The following UBQLN4 variants were observed in gnomAD, a reference collection of about 807,000 sequenced individuals.
UBQLN4 encodes ubiquilin-4.
A neutral mutation model predicts 60.4 loss-of-function variants in UBQLN4; 11 were observed. The ratio of observed to expected loss-of-function variants is 0.18; its 90% CI spans 0.11 to 0.30. UBQLN4 has a LOEUF of 0.30. Ranked by LOEUF, UBQLN4 falls within the 10% of genes least tolerant of loss-of-function variation. UBQLN4 has a pLI of 1.00. For synonymous variants in UBQLN4, 258 were observed against 313.1 expected, an observed-to-expected ratio of 0.82 and a Z score of 1.86; for missense variants, 417 against 795.5, an observed-to-expected ratio of 0.52 and a Z score of 5.72.
chr1:156,039,609 T>TCAAC (rs1683494701), intron 10 of UBQLN4, among the ~76,000 whole-genome samples: 1 of 151,676 alleles, frequency 6.6e-6, no homozygotes, highest in African/African-American at 2.4e-5. Flanking sequence ...GCCCAAGGGG[T>TCAAC]ATTTGGAAAG....
downstream of UBQLN4, chr1:156,035,158 T>C (rs1464456990): frequency 4.0e-6 from 3 of 754,852 alleles, no homozygotes; most frequent in African/African-American, 5.7e-5. Flanking sequence ...AATGGCATGA[T>C]CTCAGCCACT....
intron 10 of UBQLN4, among the ~76,000 whole-genome samples, chr1:156,040,141 C>T (rs565909138): frequency 6.6e-6 from 1 of 151,934 alleles, no homozygotes; most frequent in East Asian, 2.0e-4. Context: ...CGCCTATAAT[C>T]CCAGCACTTT....
chr1:156,044,326 AG>A lies in UBQLN4; in HGVS notation c.901-104del, dbSNP rs1683644320. On this transcript the variant is annotated intron_variant, in intron 5 of 10. Transcript: ENST00000368309. ...TTAATAGCCTCCCCTTCCCCAGAAA[AG>A]GGAGAGAGATCTAAGACCTTAGAGG... The A allele has an allele frequency of 3.8e-6, 4 of 1,054,654 alleles. No individual in the cohort carries two copies. The South Asian group carries it at 5.8e-5, about 15-fold the overall frequency. 65.3% of individuals were successfully genotyped at this position (1,054,654 alleles called of 1,614,324 possible). A position where few individuals can be genotyped will look rare whatever the true frequency, so the allele number is the denominator to read the frequency against.
At chr1:156,038,377 CAA>C (rs932824724) in intron 10 of UBQLN4, among the ~76,000 whole-genome samples, 11 of 145,610 alleles carry the variant, frequency 7.6e-5, no homozygotes, top group Admixed American at 3.5e-4. Context: ...CTTAAAAAAA[CAA>C]AAGTGCGTGG....
At chr1:156,049,922 A>C (rs1683821483) in intron 4 of UBQLN4, among the ~76,000 whole-genome samples, 1 of 152,132 alleles carries the variant, frequency 6.6e-6, no homozygotes, top group African/African-American at 2.4e-5. Flanking sequence ...CTCAGCCCTG[A>C]ATGTTCTTCT....
At chr1:156,046,788 G>A (rs141214375) in intron 5 of UBQLN4, among the ~76,000 whole-genome samples, 1,690 of 152,178 alleles carry the variant, frequency 0.011, 28 homozygotes, top group African/African-American at 0.039. Context: ...GTTGCAGTGA[G>A]CTGAGATCGC....
intron 5 of UBQLN4, among the ~76,000 whole-genome samples, chr1:156,045,436 C>T (rs558819216): frequency 1.2e-4 from 19 of 152,308 alleles, no homozygotes; most frequent in African/African-American, 1.2e-4. Flanking sequence ...ACTCTAAGGA[C>T]GAAATCTCTT....
chr1:156,043,957 C>T (rs745990909), intron 6 of UBQLN4, 41 bp downstream of exon 6: 1 of 1,599,904 alleles, frequency 6.3e-7, no homozygotes, highest in Non-Finnish European at 8.6e-7. Context: ...AGAGGGGCTG[C>T]CCTGGTGACC....
intron 7 of UBQLN4, 108 bp downstream of exon 7, chr1:156,042,666 G>T: frequency 1.4e-6 from 2 of 1,478,790 alleles, no homozygotes; most frequent in Non-Finnish European, 1.8e-6. Flanking sequence ...CAGAGCTTGG[G>T]ATGCAAACCC....
At chr1:156,042,377 C>A in intron 7 of UBQLN4, 141 bp from the exon 8 acceptor site, 1 of 1,433,400 alleles carries the variant, frequency 7.0e-7, no homozygotes, top group Non-Finnish European at 9.1e-7. Flanking sequence ...ATCCTGAAGG[C>A]CTAAGTGGGA....
intron 5 of UBQLN4, among the ~76,000 whole-genome samples, 180 bp from the exon 6 acceptor site, chr1:156,044,403 T>C (rs1167081182): frequency 1.3e-5 from 2 of 152,114 alleles, no homozygotes; most frequent in South Asian, 2.1e-4. Context: ...CCTTGCTCCA[T>C]AGGGTGGGAG....
At position 156,036,459 on chromosome 1, in the gene UBQLN4, C is replaced by T. The variant is rs116122206; in HGVS notation, c.*519G>A. On this transcript the variant is annotated 3_prime_UTR_variant, in exon 11 of 11. Transcript: ENST00000368309. Reference sequence around the variant, plus strand: ...GTGCTGAATGAACCAGAATAGGGGCCGAGAAGGAAAATTACCACCTGTTTC... The same window carrying T: ...GTGCTGAATGAACCAGAATAGGGGCTGAGAAGGAAAATTACCACCTGTTTC... 1,813 of 986,290 alleles carry T rather than the reference C, an allele frequency of 1.8e-3. 31 individuals carry two copies. In the African/African-American group the frequency reaches 0.03, roughly 16 times the overall value. 61.1% of individuals were successfully genotyped at this position (986,290 alleles called of 1,614,324 possible).
In UBQLN4 at chr1:156,050,146, G is replaced by C; in HGVS notation, c.741+145C>G. 2 of 1,128,034 alleles carry C rather than the reference G, an allele frequency of 1.8e-6. No individual in the cohort carries two copies. Among genetic ancestry groups the C allele is most frequent in the Non-Finnish European group, 1.2e-6 (1 of 834,104 alleles). The allele number at this position is 1,128,034 out of a possible 1,614,324, so 69.9% of individuals were successfully genotyped here. A position where few individuals can be genotyped will look rare whatever the true frequency, so the allele number is the denominator to read the frequency against. Reference sequence around the variant, plus strand: ...ACACCTGGAATTCCTGAAAAGCTAGGCCTGTCTTTTCATCCCTGTACCTCC... The same window carrying C: ...ACACCTGGAATTCCTGAAAAGCTAGCCCTGTCTTTTCATCCCTGTACCTCC... On this transcript the variant is annotated intron_variant, in intron 4 of 10. Transcript: ENST00000368309. This position sits in a 1 kb window ranked among gnomAD's most constrained non-coding sequence, Gnocchi z 4.6.
intron 10 of UBQLN4, among the ~76,000 whole-genome samples, chr1:156,039,916 GAC>G (rs1197096839): frequency 5.5e-4 from 66 of 120,416 alleles, no homozygotes; most frequent in Non-Finnish European, 9.1e-4. Flanking sequence ...CAGCCTGGGC[GAC>G]AGAGCGAGAC....
chr1:156,051,373 A>G (rs776598221), intron 2 of UBQLN4, 46 bp from the exon 3 acceptor site: 21 of 1,541,432 alleles, frequency 1.4e-5, no homozygotes, highest in Non-Finnish European at 1.8e-6. Context: ...GCACTAGAAG[A>G]GGGAAGGTAC....
At chr1:156,035,213 T>C, downstream of UBQLN4, 1 of 972,416 alleles carries the variant, frequency 1.0e-6, no homozygotes, top group Non-Finnish European at 1.2e-6. Flanking sequence ...AAACTTCAAA[T>C]TCCTCTAGAT....
intron 10 of UBQLN4, among the ~76,000 whole-genome samples, chr1:156,037,370 C>A (rs1257584517): frequency 1.3e-5 from 2 of 151,936 alleles, no homozygotes; most frequent in Non-Finnish European, 2.9e-5. Flanking sequence ...CTGAGGCGGG[C>A]GGATCACGAG....
intron 5 of UBQLN4, among the ~76,000 whole-genome samples, chr1:156,047,989 A>G (rs114310455): frequency 0.01 from 1,598 of 152,296 alleles, 39 homozygotes; most frequent in African/African-American, 0.037. Flanking sequence ...AACAAAAAAA[A>G]AGAATGTTAC....
intron 10 of UBQLN4, among the ~76,000 whole-genome samples, chr1:156,038,693 A>T (rs1034301979): frequency 5.9e-5 from 9 of 151,846 alleles, no homozygotes; most frequent in Non-Finnish European, 8.8e-5. Flanking sequence ...AAAGAAAAAA[A>T]TTTTTTTAGC....
Sources: gnomAD v4.1 joint callset for allele counts (sites outside exome capture counted in the v4.1 genomes callset) on GRCh38, gnomAD v4.1.1 for gene constraint, Gnocchi (gnomAD v3.1) non-coding constraint, MANE v1.5 for transcripts, NCBI Gene and HGNC (gene_info 2026-07-23, HGNC 2026-07-21) for gene names.